The following POLN variants were observed in gnomAD, a reference collection of about 807,000 sequenced individuals.
POLN encodes the protein DNA polymerase nu.
A neutral mutation model predicts 113.5 loss-of-function variants in POLN; 108 were observed. The ratio of observed to expected loss-of-function variants is 0.95; its 90% confidence interval spans 0.81 to 1.12. The LOEUF is 1.12. POLN is among the 50% of genes most tolerant of loss of function. The pLI, the probability that POLN is intolerant of heterozygous loss-of-function variation, is 0.00. For missense variants in POLN, 1,097 were observed against 1,077.1 expected (o/e 1.02, Z -0.26); for synonymous variants, 386 against 391.5 (o/e 0.99, Z 0.17).
At chr4:2,099,604 T>C (rs1730875755) in intron 19 of POLN, among the ~76,000 whole-genome samples, 1 of 152,058 alleles carries the variant, frequency 6.6e-6, no homozygotes, top group Non-Finnish European at 1.5e-5. Context: ...AGCAGTGTGG[T>C]GTCATGGAGG....
At chr4:2,240,857 C>T (rs748158531) in intron 2 of POLN, 2 of 1,612,996 alleles carry the variant, frequency 1.2e-6, no homozygotes, top group South Asian at 2.2e-5. Flanking sequence ...CGCCCTCAAA[C>T]AACCAGTCAA....
chr4:2,140,299 G>A (rs1000196081), intron 16 of POLN, among the ~76,000 whole-genome samples: 7 of 152,064 alleles, frequency 4.6e-5, no homozygotes, highest in South Asian at 2.1e-4. Flanking sequence ...GGCTGGTCTC[G>A]AACTCCTGAA....
At chr4:2,150,141 G>A (rs953550833) in intron 16 of POLN, among the ~76,000 whole-genome samples, 1 of 151,820 alleles carries the variant, frequency 6.6e-6, no homozygotes, top group East Asian at 1.9e-4. Flanking sequence ...AAGTGGGAGA[G>A]AGACACATAC....
intron 19 of POLN, among the ~76,000 whole-genome samples, chr4:2,099,407 T>C (rs374074283): frequency 3.3e-5 from 5 of 152,256 alleles, no homozygotes; most frequent in African/African-American, 1.2e-4. Context: ...CCTGCACCTC[T>C]GTGCTCTTCC....
At position 2,081,739 on chromosome 4, in the gene POLN, A is replaced by C; in HGVS notation, c.2202T>G (p.Cys734Trp). The change falls in exon 22 of 26, where the codon TGT (cysteine) becomes TGG (tryptophan). Residue 734 changes from cysteine to tryptophan, a missense_variant. By Grantham distance (215) the Cys-to-Trp change is radical. Coordinates refer to ENST00000511885, the MANE Select transcript of POLN (RefSeq NM_181808.4). ...TCCTTCTGCCCATGATGGACACCAC[A>C]CAGCCTGAGTCACACAGAGCAAAAG... ...AAIAQCHQTG[C>W]VVSIMGRRRP... The C allele has an allele frequency of 6.2e-7, 1 of 1,613,870 alleles. No homozygotes were observed. The highest frequency in any genetic ancestry group is 1.3e-5 in the African/African-American group (1 of 75,038).
At chr4:2,234,228 G>C (rs543490885) in intron 2 of POLN, 4 of 152,294 alleles carry the variant, frequency 2.6e-5, no homozygotes, top group African/African-American at 9.6e-5. Context: ...GGTCTTTGCT[G>C]AGGGTCTTTA....
intron 23 of POLN, among the ~76,000 whole-genome samples, chr4:2,075,831 G>A (rs773567657): frequency 2.6e-5 from 4 of 152,198 alleles, no homozygotes; most frequent in Non-Finnish European, 5.9e-5. Flanking sequence ...GGTTAGCTGC[G>A]AGGAAGCAGG....
intron 7 of POLN, among the ~76,000 whole-genome samples, chr4:2,182,663 T>G (rs1235767837): frequency 2.0e-5 from 3 of 152,084 alleles, no homozygotes; most frequent in Admixed American, 1.3e-4. Context: ...ATGCAAAAAT[T>G]AACCAAAAAT....
At chr4:2,131,396 G>T in intron 16 of POLN, 106 bp from the exon 17 acceptor site, 1 of 755,916 alleles carries the variant, frequency 1.3e-6, no homozygotes. Flanking sequence ...AAACAAGTAA[G>T]CCAATGTAAC....
chr4:2,083,615 G>A (rs529336636), intron 21 of POLN, among the ~76,000 whole-genome samples: 1 of 152,172 alleles, frequency 6.6e-6, no homozygotes, highest in South Asian at 2.1e-4. Flanking sequence ...GTTCATACTC[G>A]AGGTGCCTTC....
At chr4:2,141,420 C>CT (rs1410485888) in intron 16 of POLN, among the ~76,000 whole-genome samples, 2 of 152,122 alleles carry the variant, frequency 1.3e-5, no homozygotes, top group Admixed American at 1.3e-4. Flanking sequence ...TGCTGGGAGC[C>CT]TACATACCCC....
chr4:2,174,028 C>G lies in POLN; in HGVS notation c.1310-9G>C, dbSNP rs778703419. On this transcript the variant is annotated splice_polypyrimidine_tract_variant and intron_variant, in intron 10 of 25. Transcript: ENST00000511885. ...GGCATGGCTTTCCATCACTGTGATT[C>G]GAAACCCAAACCAGATCATATTTGC... is the stretch of plus-strand genomic sequence containing the variant. 19 of 1,613,802 alleles carry G rather than the reference C, an allele frequency of 1.2e-5. No homozygotes were observed. Among genetic ancestry groups the G allele is most frequent in the Admixed American group, 3.3e-5 (2 of 60,002 alleles).
rs1730778954 is a variant in POLN at position 2,095,915 on chromosome 4, T to A, written c.2001A>T (p.Glu667Asp). The change falls in exon 20 of 26, where the codon GAA (glutamate) becomes GAT (aspartate). Residue 667 changes from glutamate (E) to aspartate (D), a missense_variant. Coordinates refer to ENST00000511885, the MANE Select transcript of POLN (RefSeq NM_181808.4). ...LTSQWKDVPV[E>D]QVTHADREQT... is the part of the protein sequence containing the mutation. The stretch of plus-strand genomic sequence containing the variant: ...GCTCTCTGTCTGCGTGTGTCACCTG[T>A]TCCACGGGCACATCCTTCCTGCATG... 1 of 1,614,036 alleles carries A rather than the reference T, an allele frequency of 6.2e-7. No individual in the cohort carries two copies. Among genetic ancestry groups the A allele is most frequent in the Admixed American group, 1.7e-5 (1 of 60,010 alleles).
chr4:2,195,485 CTT>C (rs59469569), intron 6 of POLN, among the ~76,000 whole-genome samples: 111 of 125,724 alleles, frequency 8.8e-4, no homozygotes, highest in Middle Eastern at 3.9e-3. Flanking sequence ...CTTGGTAATT[CTT>C]TTTTTTTTTT....
intron 3 of POLN, among the ~76,000 whole-genome samples, chr4:2,222,819 CTCCCACTAG>C (rs751534692): frequency 1.4e-4 from 21 of 151,922 alleles, no homozygotes; most frequent in Non-Finnish European, 2.6e-4. Flanking sequence ...GGTGCAGCTG[CTCCCACTAG>C]TAAGCCAGAC....
rs1009376503 is a variant in POLN, at chr4:2,126,379, A to G, written c.1982+1734T>C. Among the ~76,000 whole-genome samples, 3 of 152,182 alleles carry G rather than the reference A, an allele frequency of 2.0e-5. No homozygotes were observed. The highest frequency in any genetic ancestry group is 4.4e-5 in the Non-Finnish European group (3 of 68,044). On this transcript the variant is annotated intron_variant, in intron 19 of 25. Coordinates refer to ENST00000511885, the MANE Select transcript of POLN (RefSeq NM_181808.4). The surrounding 1 kb of genome is among the most constrained non-coding windows in gnomAD (Gnocchi z 4.6). The stretch of plus-strand genomic sequence containing the variant: ...CCTTTTTGGAGAGATTTTCTGATTC[A>G]AACGCAAGTTTGCGTTCTATACTAT...
At chr4:2,124,943 A>G (rs1485979612) in intron 19 of POLN, among the ~76,000 whole-genome samples, 1 of 152,194 alleles carries the variant, frequency 6.6e-6, no homozygotes, top group Admixed American at 6.5e-5. Context: ...TGGCAGTGAG[A>G]AAGTAAAGGG....
intron 16 of POLN, among the ~76,000 whole-genome samples, chr4:2,136,901 G>C (rs1731871021): frequency 6.6e-6 from 1 of 152,238 alleles, no homozygotes. Context: ...GATAGTCACA[G>C]GGTCTTGGCC....
At chr4:2,168,457 T>C (rs1732782324) in intron 13 of POLN, among the ~76,000 whole-genome samples, 1 of 152,258 alleles carries the variant, frequency 6.6e-6, no homozygotes, top group African/African-American at 2.4e-5. Flanking sequence ...CTTCCTCAGT[T>C]AAATCAAAGA....
Sources: allele counts gnomAD v4.1 joint callset (sites outside exome capture counted in the v4.1 genomes callset), GRCh38; gene constraint gnomAD v4.1.1; non-coding constraint Gnocchi (gnomAD v3.1); transcripts MANE v1.5; gene names NCBI Gene and HGNC (gene_info 2026-07-23, HGNC 2026-07-21).